The following CALN1 variants were observed in gnomAD, a reference collection of about 807,000 sequenced individuals.
CALN1 encodes calneuron 1.
Under a neutral mutation model 30.6 loss-of-function variants are expected in CALN1, and 17 were observed. The observed-to-expected ratio is 0.56, with a 90% CI of 0.38 to 0.83. The LOEUF is 0.83. Ranked by LOEUF, CALN1 falls within the 40% of genes least tolerant of loss-of-function variation. CALN1 has a pLI of 0.00. For synonymous variants in CALN1, 156 were observed against 131.4 expected, an observed-to-expected ratio of 1.19 and a Z score of -1.28; for missense variants, 291 against 354.9, an observed-to-expected ratio of 0.82 and a Z score of 1.45.
chr7:72,489,706 G>A, the CALN1 span, among the ~76,000 whole-genome samples: 3 of 152,192 alleles, frequency 2.0e-5, no homozygotes, highest in African/African-American at 7.2e-5. Flanking sequence ...ATGAAGATAA[G>A]AAGGAAAGAC....
rs77052335 is a variant in CALN1 at position 72,258,737 on chromosome 7, G to A, written c.244+19949C>T. ...GTTCAAGACCAGCCTGGCCAACATG[G>A]TGAAACCCTGTCTCTACTAAAAATA... On this transcript the variant is annotated intron_variant, in intron 3 of 6. Transcript: ENST00000395275. Among the ~76,000 whole-genome samples the A allele has an allele frequency of 4.5e-4, 68 of 152,130 alleles. 1 individual carries two copies. The South Asian group carries it at 0.014, about 31-fold the overall frequency.
intron 5 of CALN1, among the ~76,000 whole-genome samples, chr7:71,872,645 A>T (rs1423185702): frequency 2.0e-5 from 3 of 149,922 alleles, no homozygotes; most frequent in Non-Finnish European, 4.4e-5. Context: ...ATACAGTCTC[A>T]TTCTGTTGCC....
At chr7:71,933,933 G>A (rs1455310572) in intron 5 of CALN1, among the ~76,000 whole-genome samples, 2 of 152,100 alleles carry the variant, frequency 1.3e-5, no homozygotes, top group Admixed American at 1.3e-4. Context: ...CAACACAAAA[G>A]GGGTGGCAAA....
At chr7:72,217,643 G>A (rs1414129417) in intron 3 of CALN1, among the ~76,000 whole-genome samples, 2 of 151,726 alleles carry the variant, frequency 1.3e-5, no homozygotes, top group African/African-American at 4.8e-5. Context: ...CATCTCTAGG[G>A]TCCAAACCAG....
intron 3 of CALN1, among the ~76,000 whole-genome samples, chr7:72,116,973 C>A (rs1409028612): frequency 9.2e-5 from 14 of 151,986 alleles, no homozygotes; most frequent in Non-Finnish European, 2.1e-4. Flanking sequence ...ATTAATTCAG[C>A]CAGATATCTT....
intron 2 of CALN1, among the ~76,000 whole-genome samples, chr7:72,392,825 CCT>C (rs780319904): frequency 1.5e-4 from 19 of 123,786 alleles, no homozygotes; most frequent in South Asian, 5.6e-4. Flanking sequence ...TAAAAAAGAC[CCT>C]GTTTCATTAA....
intron 3 of CALN1, among the ~76,000 whole-genome samples, chr7:72,134,497 G>A (rs1158656104): frequency 1.3e-5 from 2 of 152,164 alleles, no homozygotes. Context: ...CAATTTCTTG[G>A]TTTCCCAGTG....
chr7:71,929,656 T>G (rs907795304), intron 5 of CALN1, among the ~76,000 whole-genome samples: 1 of 152,248 alleles, frequency 6.6e-6, no homozygotes, highest in African/African-American at 2.4e-5. Context: ...TGAAGGACAT[T>G]TGGGTTATGT....
At chr7:72,449,821 G>A (rs1200276872), upstream of CALN1, among the ~76,000 whole-genome samples, 1 of 126,862 alleles carries the variant, frequency 7.9e-6, no homozygotes, top group Non-Finnish European at 1.6e-5. Flanking sequence ...CTTGCAGTGA[G>A]CCAAGATTGC....
rs1209175471 is a variant in CALN1, at chr7:72,000,986, G to A, written c.501+22671C>T. Among the ~76,000 whole-genome samples the A allele has an allele frequency of 4.5e-4, 69 of 152,192 alleles. 1 individual carries two copies. Among genetic ancestry groups the A allele is most frequent in the Non-Finnish European group, 5.9e-5 (4 of 68,044 alleles). ...TAGTAATTGGTCATAGCTAGCACCA[G>A]GGAAAGGCAGTCTCCCAATAGGTAG... On this transcript the variant is annotated intron_variant, in intron 5 of 6. Coordinates refer to ENST00000395275, the MANE Select transcript of CALN1 (RefSeq NM_031468.4).
chr7:72,368,137 G>A (rs1196773060), intron 2 of CALN1, among the ~76,000 whole-genome samples: 1 of 150,938 alleles, frequency 6.6e-6, no homozygotes. Context: ...ATACATATCT[G>A]TATCTATATC....
In CALN1 at chr7:72,390,636, G is replaced by A. The variant is rs117247888; in HGVS notation, c.119+12615C>T. Among the ~76,000 whole-genome samples, 17 of 152,246 alleles carry A rather than the reference G, an allele frequency of 1.1e-4. No individual in the cohort carries two copies. The East Asian group carries it at 2.7e-3, about 24-fold the overall frequency. Reference sequence around the variant, plus strand: ...TTAGGAATGCAAGCCACAAGGCACCGTGGAATTAGCAATGCCCGACTGTGC... The same window carrying A: ...TTAGGAATGCAAGCCACAAGGCACCATGGAATTAGCAATGCCCGACTGTGC... On this transcript the variant is annotated intron_variant, in intron 2 of 6. Transcript: ENST00000395275.
chr7:72,219,421 G>A (rs1253472064), intron 3 of CALN1, among the ~76,000 whole-genome samples: 3 of 151,926 alleles, frequency 2.0e-5, no homozygotes, highest in Non-Finnish European at 2.9e-5. Flanking sequence ...GTAGAGATGG[G>A]GTCTTGCTGT....
chr7:71,871,753 C>A (rs932538372), intron 5 of CALN1, among the ~76,000 whole-genome samples: 50 of 152,088 alleles, frequency 3.3e-4, no homozygotes, highest in Admixed American at 1.7e-3. Flanking sequence ...TCTGGTTTCC[C>A]ATCACTCACT....
chr7:72,380,474 T>C (rs775031296), intron 2 of CALN1, among the ~76,000 whole-genome samples: 25 of 152,060 alleles, frequency 1.6e-4, no homozygotes, highest in Non-Finnish European at 3.2e-4. Context: ...AATATAAAAA[T>C]TAGCTGAGCA....
rs1387389261 is a variant in CALN1, at chr7:71,785,604, G to A, written c.*2171C>T. 1.3e-5 allele frequency: 2 copies of A among 152,248 alleles called. No homozygotes were observed. The highest frequency in any genetic ancestry group is 4.8e-5 in the African/African-American group (2 of 41,446). 9.4% of individuals were successfully genotyped at this position (152,248 alleles called of 1,614,324 possible). ...CCTGCACCCCTATGGATGTGGTTGG[G>A]TGGTTCGGGGGTCAGGGAAAAACAG... On this transcript the variant is annotated 3_prime_UTR_variant, in exon 7 of 7. Transcript: ENST00000395275.
At chr7:72,163,223 A>T (rs10250790) in intron 3 of CALN1, among the ~76,000 whole-genome samples, 115,281 of 152,034 alleles carry the variant, frequency 0.76, 44,173 homozygotes, top group East Asian at 0.96. Flanking sequence ...AGGACAAAAT[A>T]GAAAAATGCC....
At chr7:72,501,908 C>CAAAAAA in the CALN1 span, among the ~76,000 whole-genome samples, 179 of 24,706 alleles carry the variant, frequency 7.2e-3, 17 homozygotes, top group African/African-American at 0.015. Context: ...GATTTCGTCT[C>CAAAAAA]AAAAAAAAAA....
chr7:72,150,407 C>A (rs1031350299), intron 3 of CALN1, among the ~76,000 whole-genome samples: 1 of 152,098 alleles, frequency 6.6e-6, no homozygotes, highest in Non-Finnish European at 1.5e-5. Context: ...GGTTTACTCA[C>A]AAGTAAACAA....
Sources: allele counts gnomAD v4.1 joint callset (sites outside exome capture counted in the v4.1 genomes callset), GRCh38; gene constraint gnomAD v4.1.1; transcripts MANE v1.5; gene names NCBI Gene and HGNC (gene_info 2026-07-23, HGNC 2026-07-21).